The following PCDHA1 variants were observed in gnomAD, a reference collection of about 807,000 sequenced individuals.
PCDHA1 encodes protocadherin alpha 1.
PCDHA1 carries 42 observed loss-of-function variants against 61.3 expected under a neutral mutation model. The observed-to-expected ratio is 0.69, with a 90% CI of 0.54 to 0.89. The LOEUF is 0.89. PCDHA1 is among the 40% of genes least tolerant of loss of function. The pLI, the probability that PCDHA1 is intolerant of heterozygous loss-of-function variation, is 0.00. For synonymous variants in PCDHA1, 610 were observed against 553.8 expected, an observed-to-expected ratio of 1.10 and a Z score of -1.43; for missense variants, 1,256 against 1,235.3, an observed-to-expected ratio of 1.02 and a Z score of -0.25.
At chr5:140,838,902 A>G (rs1775938113) in intron 1 of PCDHA1, among the ~76,000 whole-genome samples, 1 of 152,028 alleles carries the variant, frequency 6.6e-6, no homozygotes, top group Non-Finnish European at 1.5e-5. Context: ...GTGACAGAGC[A>G]ATACCTTGCC....
intron 1 of PCDHA1, among the ~76,000 whole-genome samples, chr5:140,904,604 T>C (rs1010462159): frequency 2.0e-5 from 3 of 152,094 alleles, no homozygotes; most frequent in Non-Finnish European, 1.5e-5. Flanking sequence ...CTGGATCAAA[T>C]AGTAGTTTTA....
At chr5:140,908,470 G>C (rs2073991280) in intron 1 of PCDHA1, among the ~76,000 whole-genome samples, 1 of 152,186 alleles carries the variant, frequency 6.6e-6, no homozygotes, top group Non-Finnish European at 1.5e-5. Flanking sequence ...AAAGCACCCA[G>C]TTCATGATAG....
chr5:140,882,779 C>G (rs1554175579), intron 1 of PCDHA1: 2 of 1,614,168 alleles, frequency 1.2e-6, no homozygotes, highest in Non-Finnish European at 8.5e-7. Context: ...ATTGACCTAC[C>G]GACTGGATCC....
chr5:140,822,971 C>T, intron 1 of PCDHA1: 1 of 1,614,236 alleles, frequency 6.2e-7, no homozygotes. Context: ...CTGGTGTCCA[C>T]CTTCAAGAAT....
chr5:140,875,015 G>T (rs1479954206), intron 1 of PCDHA1, among the ~76,000 whole-genome samples: 3 of 152,170 alleles, frequency 2.0e-5, no homozygotes, highest in African/African-American at 7.2e-5. Flanking sequence ...TAAAGTGTAG[G>T]TTCTGGCCTA....
intron 1 of PCDHA1, among the ~76,000 whole-genome samples, chr5:140,906,546 G>A (rs1261080393): frequency 2.0e-5 from 3 of 152,222 alleles, no homozygotes; most frequent in Non-Finnish European, 4.4e-5. Context: ...CCTCATTTCT[G>A]CAACTGGTTG....
intron 1 of PCDHA1, chr5:140,927,930 G>A (rs782236455): frequency 1.9e-5 from 30 of 1,614,062 alleles, no homozygotes; most frequent in Admixed American, 5.0e-5. Flanking sequence ...TGACTCTTTC[G>A]AACCCAGTAC....
chr5:140,868,954 C>T (rs192231), intron 1 of PCDHA1: 649,749 of 1,346,616 alleles, frequency 0.48, 158,482 homozygotes, highest in South Asian at 0.57. Flanking sequence ...GTGAGGCACT[C>T]CCATACAAAG....
rs782469778 is a variant in PCDHA1 at position 140,882,968 on chromosome 5, G to A, written c.2394+94284G>A. The A allele has an allele frequency of 3.7e-6, 6 of 1,614,028 alleles. No homozygotes were observed. The African/African-American group carries it at 8.0e-5, about 22-fold the overall frequency. ...AGTTCAGCTGCTCATCACGATTCTGGACGTGAATGACAACGCCCCGGAATT... is the reference window on the plus strand; with the variant it reads ...AGTTCAGCTGCTCATCACGATTCTGAACGTGAATGACAACGCCCCGGAATT... On this transcript the variant is annotated intron_variant, in intron 1 of 3. Transcript: ENST00000504120.
rs1554144120 is a variant in PCDHA1, at chr5:140,850,272, A to G, written c.2394+61588A>G. 1.2e-5 allele frequency: 19 copies of G among 1,594,612 alleles called. 2 individuals carry two copies. The highest frequency in any genetic ancestry group is 7.7e-6 in the Non-Finnish European group (9 of 1,167,372). Reference sequence around the variant, plus strand: ...GGTGGGCGCCGGCGTAGTGGTGGGGAAGGTGCGCGCAGTGGACGCCGACTC... The same window carrying G: ...GGTGGGCGCCGGCGTAGTGGTGGGGGAGGTGCGCGCAGTGGACGCCGACTC... On this transcript the variant is annotated intron_variant, in intron 1 of 3. Transcript: ENST00000504120.
intron 1 of PCDHA1, among the ~76,000 whole-genome samples, chr5:140,844,742 T>C (rs1779524927): frequency 1.3e-5 from 2 of 149,642 alleles, no homozygotes; most frequent in Admixed American, 6.7e-5. Context: ...TTTAGTATTA[T>C]GGGATAAATC....
At chr5:140,960,400 G>T (rs566510688) in intron 1 of PCDHA1, among the ~76,000 whole-genome samples, 4 of 152,114 alleles carry the variant, frequency 2.6e-5, no homozygotes, top group African/African-American at 9.6e-5. Context: ...ATGCAAGGGG[G>T]GGTGCCCAAA....
chr5:140,979,405 C>A (rs2096849045), intron 2 of PCDHA1, among the ~76,000 whole-genome samples: 1 of 151,828 alleles, frequency 6.6e-6, no homozygotes, highest in Non-Finnish European at 1.5e-5. Flanking sequence ...TGTTGTCTAC[C>A]TTGTTTTTTT....
At chr5:140,955,652 A>T (rs1452679583) in intron 1 of PCDHA1, among the ~76,000 whole-genome samples, 2 of 152,180 alleles carry the variant, frequency 1.3e-5, no homozygotes, top group African/African-American at 4.8e-5. Context: ...ATTAATACAC[A>T]TATGAATTTT....
chr5:140,883,339 C>T (rs142984869), intron 1 of PCDHA1: 2 of 1,614,172 alleles, frequency 1.2e-6, no homozygotes, highest in Admixed American at 3.3e-5. Flanking sequence ...CTTTGTCACT[C>T]CCCATCAGAG....
intron 1 of PCDHA1, chr5:140,829,659 T>C: frequency 6.2e-7 from 1 of 1,612,676 alleles, no homozygotes. Flanking sequence ...CTGCAGCCGC[T>C]GGACCACGAG....
chr5:140,806,974 C>A (rs1470394159), intron 1 of PCDHA1: 4 of 618,732 alleles, frequency 6.5e-6, no homozygotes, highest in African/African-American at 3.7e-5. Flanking sequence ...TTGCTACTTA[C>A]GGTTTGGAGC....
intron 1 of PCDHA1, chr5:140,841,865 G>C: frequency 1.2e-6 from 2 of 1,613,856 alleles, no homozygotes; most frequent in Non-Finnish European, 1.7e-6. Flanking sequence ...CATGCTAGAT[G>C]TGAATTCAAA....
chr5:140,850,076 G>A lies in PCDHA1; in HGVS notation c.2394+61392G>A. Reference sequence around the variant, plus strand: ...CGCTGCAGCCGTTGGACCACGAGGAGCTGGAGCTGCTACAGTTCCAGGTGA... The same window carrying A: ...CGCTGCAGCCGTTGGACCACGAGGAACTGGAGCTGCTACAGTTCCAGGTGA... On this transcript the variant is annotated intron_variant, in intron 1 of 3. Transcript: ENST00000504120. 6 of 1,596,552 alleles carry A rather than the reference G, an allele frequency of 3.8e-6. 1 individual carries two copies. Among genetic ancestry groups the A allele is most frequent in the Non-Finnish European group, 5.1e-6 (6 of 1,167,850 alleles).
Sources: allele counts gnomAD v4.1 joint callset (sites outside exome capture counted in the v4.1 genomes callset), GRCh38; gene constraint gnomAD v4.1.1; transcripts MANE v1.5; gene names NCBI Gene and HGNC (gene_info 2026-07-23, HGNC 2026-07-21).